PPP1R37: variants seen among roughly 807,000 people sequenced by gnomAD.
PPP1R37 encodes leucine rich repeat containing 68.
Under a neutral mutation model 61.0 loss-of-function variants are expected in PPP1R37, and 21 were observed. The ratio of observed to expected loss-of-function variants is 0.34; its 90% CI spans 0.24 to 0.50. The LOEUF (loss-of-function observed/expected upper bound fraction) is 0.50. Among genes scored for constraint, PPP1R37 ranks in the 20% least tolerant of loss-of-function variants. PPP1R37 has a pLI of 0.98. For synonymous variants in PPP1R37, 443 were observed against 433.5 expected (o/e 1.02, Z -0.27); for missense variants, 910 against 952.7 (o/e 0.96, Z 0.59).
chr19:45,099,604 C>T (rs10409727), intron 1 of PPP1R37, among the ~76,000 whole-genome samples: 21,636 of 152,248 alleles, frequency 0.14, 1,719 homozygotes, highest in Non-Finnish European at 0.17. Context: ...CGCCGCTCTC[C>T]GTGCCTGTAC....
intron 7 of PPP1R37, 144 bp downstream of exon 7, chr19:45,142,602 C>A: frequency 1.2e-6 from 1 of 842,332 alleles, no homozygotes; most frequent in Non-Finnish European, 1.8e-6. Flanking sequence ...AAGACAGACC[C>A]GCCCTAGACA....
At position 45,145,484 on chromosome 19, in the gene PPP1R37, GACC is replaced by G; in HGVS notation, c.1432_1434del (p.Thr478del). 6.5e-7 allele frequency: 1 copy of G among 1,534,772 alleles called. No individual in the cohort carries two copies. On this transcript the variant is annotated inframe_deletion, in exon 11 of 13. Transcript: ENST00000221462. ...CACAGCTGTCGGCCTCCATGCCTGA[GACC>G]ACCGCCACCGAGCCCCAGCCCGACG...
intron 1 of PPP1R37, among the ~76,000 whole-genome samples, chr19:45,114,006 T>C (rs1968233496): frequency 6.6e-6 from 1 of 152,348 alleles, no homozygotes; most frequent in Admixed American, 6.5e-5. Flanking sequence ...TGCTGAGGCG[T>C]TGGCCTCTGC....
Position 45,143,513 on chromosome 19 carries a change from T to G in PPP1R37, c.875-8T>G, listed in dbSNP as rs1341123615. ...CCAGACAGGGCTCTGACTGCCGGCC[T>G]CCTCCAGGTCTGGCCTACATCTGCG... On this transcript the variant is annotated splice_polypyrimidine_tract_variant and splice_region_variant and intron_variant, in intron 7 of 12. Transcript: ENST00000221462. The G allele has an allele frequency of 6.6e-7, 1 of 1,517,068 alleles. No individual in the cohort carries two copies. The highest frequency in any genetic ancestry group is 1.2e-5 in the South Asian group (1 of 83,660). The allele number at this position is 1,517,068 out of a possible 1,614,324, so 94.0% of individuals were successfully genotyped here. A position where few individuals can be genotyped will look rare whatever the true frequency, so the allele number is the denominator to read the frequency against.
intron 1 of PPP1R37, among the ~76,000 whole-genome samples, chr19:45,114,774 C>T (rs567152208): frequency 6.6e-6 from 1 of 151,778 alleles, no homozygotes; most frequent in Admixed American, 6.6e-5. Context: ...AGTGAGACCC[C>T]CCCCCCCATC....
chr19:45,116,395 G>C (rs1008988143), intron 1 of PPP1R37, among the ~76,000 whole-genome samples: 2 of 152,204 alleles, frequency 1.3e-5, no homozygotes, highest in African/African-American at 2.4e-5. Flanking sequence ...AGCCTAGCCC[G>C]CCCCCTGGAG....
At chr19:45,128,831 C>T in intron 1 of PPP1R37, 1 of 620,692 alleles carries the variant, frequency 1.6e-6, no homozygotes, top group South Asian at 1.6e-5. Context: ...AAAGGAATGA[C>T]TCCCAGTTGA....
intron 2 of PPP1R37, among the ~76,000 whole-genome samples, 163 bp downstream of exon 2, chr19:45,138,774 T>C (rs1242324478): frequency 6.6e-6 from 1 of 152,138 alleles, no homozygotes; most frequent in Non-Finnish European, 1.5e-5. Context: ...AGTTTCTTCA[T>C]AAATTTGAAG....
intron 8 of PPP1R37, chr19:45,144,651 T>C (rs1351874322): frequency 3.7e-6 from 2 of 544,536 alleles, no homozygotes; most frequent in East Asian, 6.5e-5. Context: ...ACGGGGGACC[T>C]GGCATTTGGG....
At chr19:45,110,029 TC>T (rs1472008300) in intron 1 of PPP1R37, among the ~76,000 whole-genome samples, 1 of 152,164 alleles carries the variant, frequency 6.6e-6, no homozygotes, top group Non-Finnish European at 1.5e-5. Context: ...GCTTTTTTGT[TC>T]ACCAGTGTAG....
chr19:45,128,528 G>A, intron 1 of PPP1R37: 1 of 1,119,580 alleles, frequency 8.9e-7, no homozygotes, highest in Non-Finnish European at 1.3e-6. Context: ...ACAAGGTTGA[G>A]TCAGTGTGTT....
At chr19:45,142,529 G>C in intron 7 of PPP1R37, 71 bp downstream of exon 7, 1 of 1,456,636 alleles carries the variant, frequency 6.9e-7, no homozygotes, top group Non-Finnish European at 9.2e-7. Flanking sequence ...GCGCTAGGTG[G>C]TGCTGGGGAC....
chr19:45,145,830 C>CCCCCACCCCCTCCCT lies in PPP1R37; in HGVS notation c.1783_1797dup (p.Pro595_Pro599dup). 1 of 849,408 alleles carries CCCCCACCCCCTCCCT rather than the reference C, an allele frequency of 1.2e-6. No individual in the cohort carries two copies. The highest frequency in any genetic ancestry group is 2.8e-5 in the Admixed American group (1 of 36,102). 52.6% of individuals were successfully genotyped at this position (849,408 alleles called of 1,614,324 possible). A position where few individuals can be genotyped will look rare whatever the true frequency, so the allele number is the denominator to read the frequency against. ...CCCTGCGTCCCCCACCCCTCCCTCT[C>CCCCCACCCCCTCCCT]CCCCACCCCCTCCCTCCCCACCCGC... On this transcript the variant is annotated inframe_insertion, in exon 11 of 13. Transcript: ENST00000221462.
chr19:45,101,455 C>T (rs1040038156), intron 1 of PPP1R37, among the ~76,000 whole-genome samples: 3 of 152,174 alleles, frequency 2.0e-5, no homozygotes, highest in African/African-American at 4.8e-5. Flanking sequence ...GGGGGGCTCA[C>T]GCCTGTCATC....
intron 1 of PPP1R37, among the ~76,000 whole-genome samples, chr19:45,137,846 A>C (rs1047052474): frequency 2.0e-5 from 3 of 151,784 alleles, no homozygotes; most frequent in Admixed American, 2.0e-4. Flanking sequence ...AAAAAAAAAA[A>C]ACAAACCAAG....
chr19:45,141,291 T>G, intron 4 of PPP1R37, 31 bp from the exon 5 acceptor site: 1 of 1,525,268 alleles, frequency 6.6e-7, no homozygotes, highest in Non-Finnish European at 8.8e-7. Context: ...AGCCCAGAGC[T>G]GAGGCTGAGC....
intron 1 of PPP1R37, among the ~76,000 whole-genome samples, chr19:45,120,252 T>C (rs1308670310): frequency 2.0e-5 from 3 of 151,996 alleles, no homozygotes; most frequent in Admixed American, 1.3e-4. Context: ...CTCCTGACCT[T>C]GTGATCCGCC....
At chr19:45,109,029 C>G (rs1968168116) in intron 1 of PPP1R37, 1 of 152,386 alleles carries the variant, frequency 6.6e-6, no homozygotes, top group Non-Finnish European at 1.5e-5. Flanking sequence ...GTCTTGGCCT[C>G]CCAAAGTGCT....
At chr19:45,140,370 A>G in intron 3 of PPP1R37, 89 bp downstream of exon 3, 1 of 1,229,454 alleles carries the variant, frequency 8.1e-7, no homozygotes, top group Non-Finnish European at 1.1e-6. Flanking sequence ...GCCTGGGGTT[A>G]GCGGCTTCTG....
Sources: allele counts gnomAD v4.1 joint callset (sites outside exome capture counted in the v4.1 genomes callset), GRCh38; gene constraint gnomAD v4.1.1; transcripts MANE v1.5; gene names NCBI Gene and HGNC (gene_info 2026-07-23, HGNC 2026-07-21).